The following WDFY4 variants were observed in gnomAD, a reference collection of about 807,000 sequenced individuals.
The protein encoded by WDFY4 is WDFY family member 4, also known as WD repeat- and FYVE domain-containing protein 4.
A neutral mutation model predicts 351.9 loss-of-function variants in WDFY4; 169 were observed. That is an observed-to-expected ratio of 0.48 (90% confidence interval 0.42 to 0.55). The LOEUF is 0.55. Ranked by LOEUF, WDFY4 falls within the 20% of genes least tolerant of loss-of-function variation. The pLI is 0.00. For synonymous variants in WDFY4, 1,622 were observed against 1,574.6 expected, an observed-to-expected ratio of 1.03 and a Z score of -0.71; for missense variants, 3,803 against 3,935.6, an observed-to-expected ratio of 0.97 and a Z score of 0.90.
At chr10:48,926,282 G>C (rs1237055375) in intron 47 of WDFY4, among the ~76,000 whole-genome samples, 1 of 152,250 alleles carries the variant, frequency 6.6e-6, no homozygotes, top group Non-Finnish European at 1.5e-5. Context: ...GGGTGTTCCT[G>C]TTTTGCTGGA....
At chr10:48,769,587 G>A (rs887782711) in intron 13 of WDFY4, among the ~76,000 whole-genome samples, 1 of 152,206 alleles carries the variant, frequency 6.6e-6, no homozygotes, top group Non-Finnish European at 1.5e-5. Context: ...GGGGCAGCAG[G>A]CACTGGGCCT....
chr10:48,729,526 A>C lies in WDFY4; in HGVS notation c.1066A>C (p.Lys356Gln). Residue 356 changes from lysine to glutamine, a missense_variant, in exon 8 of 62, where the codon AAG becomes CAG. Lys to Gln is a moderately conservative substitution (Grantham distance 53). This residue lies in a region of WDFY4 where 488 missense variants were observed against 456.8 expected (regional missense o/e 1.07). Coordinates refer to ENST00000325239, the MANE Select transcript of WDFY4 (RefSeq NM_001394531.1). ...GACAACCTGTGGGAGGTCAGAGCTG[A>C]AGGTGTTTGACAGCATCACTTACCC... ...WLTTCGRSELKVFDSITYPQL... is the reference protein window; with the variant it reads ...WLTTCGRSELQVFDSITYPQL... 1 of 1,551,720 alleles carries C rather than the reference A, an allele frequency of 6.4e-7. No individual in the cohort carries two copies. Among genetic ancestry groups the C allele is most frequent in the Non-Finnish European group, 8.7e-7 (1 of 1,146,994 alleles).
chr10:48,982,738 TC>T lies in WDFY4; in HGVS notation c.*165del. 1.5e-6 allele frequency: 1 copy of T among 684,762 alleles called. No individual in the cohort carries two copies. Among genetic ancestry groups the T allele is most frequent in the Non-Finnish European group, 2.6e-6 (1 of 377,746 alleles). 42.4% of individuals were successfully genotyped at this position (684,762 alleles called of 1,614,324 possible). On this transcript the variant is annotated 3_prime_UTR_variant, in exon 62 of 62. Coordinates refer to ENST00000325239, the MANE Select transcript of WDFY4 (RefSeq NM_001394531.1). ...ATCACAGCTCTGCAGCCCAACCCTC[TC>T]CATGGCCGATGGGACTTCTATGAAA...
intron 12 of WDFY4, chr10:48,745,656 C>T: frequency 1.7e-6 from 1 of 575,924 alleles, no homozygotes; most frequent in Non-Finnish European, 3.3e-6. Context: ...TCTCGGCCTT[C>T]TCCTTCCTCT....
chr10:48,952,954 C>T (rs1564525010), intron 51 of WDFY4, among the ~76,000 whole-genome samples: 1 of 152,160 alleles, frequency 6.6e-6, no homozygotes, highest in East Asian at 1.9e-4. Flanking sequence ...CACATTTGCC[C>T]CGTTACTTCT....
In WDFY4 at chr10:48,789,907, G is replaced by A. The variant is rs1373950111; in HGVS notation, c.3988G>A (p.Val1330Met). 17 of 1,552,408 alleles carry A rather than the reference G, an allele frequency of 1.1e-5. No homozygotes were observed. The highest frequency in any genetic ancestry group is 5.9e-5 in the Admixed American group (3 of 51,016). The change falls in exon 22 of 62, where the codon GTG becomes ATG. Residue 1330 changes from valine to methionine, a missense_variant. Val to Met is a conservative substitution (Grantham distance 21, BLOSUM62 1). Transcript: ENST00000325239. ...NISSRDNAMP[V>M]FLLRNCAGHL... Reference sequence around the variant, plus strand: ...TTCATCCCGTGACAATGCCATGCCCGTGTTCTTGCTGAGGAATTGTGCTGG... The same window carrying A: ...TTCATCCCGTGACAATGCCATGCCCATGTTCTTGCTGAGGAATTGTGCTGG...
At chr10:48,742,737 C>T (rs2064891292) in intron 11 of WDFY4, among the ~76,000 whole-genome samples, 1 of 152,172 alleles carries the variant, frequency 6.6e-6, no homozygotes, top group South Asian at 2.1e-4. Flanking sequence ...TGTCAAAAAA[C>T]AGGACAGTTA....
chr10:48,811,428 G>C lies in WDFY4; in HGVS notation c.5045-111G>C, dbSNP rs977764660. The C allele has an allele frequency of 5.6e-6, 5 of 889,428 alleles. No individual in the cohort carries two copies. The African/African-American group carries it at 8.4e-5, about 15-fold the overall frequency. 55.1% of individuals were successfully genotyped at this position (889,428 alleles called of 1,614,324 possible). ...ATGTGTGAATATATTTTATCATCCA[G>C]CATTTCTATGGGATGGGTGGGTGGC... On this transcript the variant is annotated intron_variant, in intron 29 of 61. Coordinates refer to ENST00000325239, the MANE Select transcript of WDFY4 (RefSeq NM_001394531.1).
intron 23 of WDFY4, among the ~76,000 whole-genome samples, chr10:48,795,554 G>A (rs116883185): frequency 0.016 from 2,191 of 139,546 alleles, 63 homozygotes; most frequent in Middle Eastern, 0.071. Flanking sequence ...TGAATAGTCT[G>A]GAAAGATATT....
chr10:48,803,267 G>A lies in WDFY4; in HGVS notation c.4411-19G>A. On this transcript the variant is annotated intron_variant, in intron 24 of 61. Transcript: ENST00000325239. ...CTCCCACACCTTCATTTTAGCATGT[G>A]TTTTGTTTTGTCTTCCAGCTCTGGA... 2.6e-6 allele frequency: 4 copies of A among 1,551,602 alleles called. No homozygotes were observed. The highest frequency in any genetic ancestry group is 1.4e-5 in the African/African-American group (1 of 73,168).
At chr10:48,821,570 A>T (rs2067824444) in intron 34 of WDFY4, among the ~76,000 whole-genome samples, 1 of 152,202 alleles carries the variant, frequency 6.6e-6, no homozygotes, top group African/African-American at 2.4e-5. Context: ...TTAAACAATG[A>T]ACCTGGATGA....
At chr10:48,778,563 T>C in intron 17 of WDFY4, 48 bp from the exon 18 acceptor site, 1 of 1,527,698 alleles carries the variant, frequency 6.5e-7, no homozygotes, top group Non-Finnish European at 8.8e-7. Context: ...ACATGCATGC[T>C]CAGCAGGGCA....
intron 12 of WDFY4, among the ~76,000 whole-genome samples, chr10:48,759,405 G>A (rs561181671): frequency 6.6e-6 from 1 of 152,236 alleles, no homozygotes; most frequent in East Asian, 1.9e-4. Context: ...CTGTGTCACT[G>A]GTATCTGTCT....
At chr10:48,801,784 A>C (rs1187655580) in intron 24 of WDFY4, among the ~76,000 whole-genome samples, 1 of 152,264 alleles carries the variant, frequency 6.6e-6, no homozygotes, top group African/African-American at 2.4e-5. Context: ...AAAGAGGGAC[A>C]GTCTCTACCT....
chr10:48,921,409 A>AT (rs1339254104), intron 47 of WDFY4, among the ~76,000 whole-genome samples: 1 of 152,226 alleles, frequency 6.6e-6, no homozygotes, highest in Admixed American at 6.5e-5. Flanking sequence ...GAAATTGGTT[A>AT]TTTATATGCA....
intron 13 of WDFY4, among the ~76,000 whole-genome samples, chr10:48,770,507 T>C (rs1212500654): frequency 1.3e-5 from 2 of 152,230 alleles, no homozygotes; most frequent in African/African-American, 4.8e-5. Context: ...TAAATTGAAA[T>C]AATGCAGTTA....
intron 22 of WDFY4, among the ~76,000 whole-genome samples, chr10:48,790,267 G>A (rs2066634048): frequency 6.6e-6 from 1 of 152,212 alleles, no homozygotes; most frequent in South Asian, 2.1e-4. Flanking sequence ...AGTACAGTGG[G>A]GCTTTTAAGC....
At chr10:48,867,710 G>T (rs940789872) in intron 40 of WDFY4, among the ~76,000 whole-genome samples, 4 of 152,216 alleles carry the variant, frequency 2.6e-5, no homozygotes, top group Non-Finnish European at 5.9e-5. Flanking sequence ...CAAGTGTGAA[G>T]CACCCAGACT....
At chr10:48,745,265 A>G (rs374502828) in intron 12 of WDFY4, among the ~76,000 whole-genome samples, 2 of 152,166 alleles carry the variant, frequency 1.3e-5, no homozygotes, top group South Asian at 2.1e-4. Context: ...TTCTCACTCT[A>G]TCAAGGTGAG....
Sources: gnomAD v4.1 joint callset for allele counts (sites outside exome capture counted in the v4.1 genomes callset) on GRCh38, gnomAD v4.1.1 for gene constraint, gnomAD v4.1.1 regional missense constraint, MANE v1.5 for transcripts, NCBI Gene and HGNC (gene_info 2026-07-23, HGNC 2026-07-21) for gene names.